RUNDC3B: variants seen among roughly 807,000 people sequenced by gnomAD.
RUNDC3B encodes the protein RUN domain-containing protein 3B.
In RUNDC3B, 33 loss-of-function variants were observed where a neutral mutation model predicts 58.4. The ratio of observed to expected loss-of-function variants is 0.56; its 90% confidence interval spans 0.43 to 0.75. The LOEUF (loss-of-function observed/expected upper bound fraction) is 0.75. Ranked by LOEUF, RUNDC3B falls within the 30% of genes least tolerant of loss-of-function variation. RUNDC3B has a pLI of 0.00. For synonymous variants in RUNDC3B, 193 were observed against 195.2 expected (o/e 0.99, Z 0.10); for missense variants, 501 against 535.7 (o/e 0.94, Z 0.64).
At chr7:87,759,188 G>A (rs1209557897) in intron 6 of RUNDC3B, among the ~76,000 whole-genome samples, 1 of 152,098 alleles carries the variant, frequency 6.6e-6, no homozygotes, top group Non-Finnish European at 1.5e-5. Context: ...GCAACAACAT[G>A]GATGGGCCTG....
intron 6 of RUNDC3B, among the ~76,000 whole-genome samples, chr7:87,752,189 G>A (rs1384452950): frequency 6.6e-6 from 1 of 152,166 alleles, no homozygotes; most frequent in Admixed American, 6.6e-5. Context: ...ATTGATTTGT[G>A]TATATGGAAC....
At chr7:87,740,266 CGT>C (rs1330567103) in intron 5 of RUNDC3B, among the ~76,000 whole-genome samples, 1 of 151,846 alleles carries the variant, frequency 6.6e-6, no homozygotes, top group Non-Finnish European at 1.5e-5. Flanking sequence ...CATTATCTCA[CGT>C]GTTGAGATAA....
chr7:87,700,775 A>G (rs1828961612), intron 3 of RUNDC3B, among the ~76,000 whole-genome samples: 2 of 152,210 alleles, frequency 1.3e-5, no homozygotes, highest in Admixed American at 1.3e-4. Flanking sequence ...CCCTTTCTTT[A>G]ATGGGTACAA....
intron 4 of RUNDC3B, among the ~76,000 whole-genome samples, chr7:87,737,909 A>G (rs970736120): frequency 1.6e-4 from 25 of 152,284 alleles, no homozygotes; most frequent in African/African-American, 5.3e-4. Flanking sequence ...ATGCACACAC[A>G]TAAAAGACCT....
At position 87,628,828 on chromosome 7, in the gene RUNDC3B, C is replaced by A; in HGVS notation, c.5C>A (p.Ala2Asp). Reference protein sequence around the residue: MASRSLGGLSGI... With the variant: MDSRSLGGLSGI... ...GGGCACGGGGGTAAGCCCGCCATGG[C>A]CTCCCGGAGCCTGGGGGGCCTGAGC... The change falls in exon 1 of 11, where the codon GCC becomes GAC. Residue 2 changes from alanine (A) to aspartate (D), a missense_variant. Ala to Asp is a moderately radical substitution (Grantham distance 126). Transcript: ENST00000394654. 1 of 1,252,004 alleles carries A rather than the reference C, an allele frequency of 8.0e-7. No individual in the cohort carries two copies. Among genetic ancestry groups the A allele is most frequent in the East Asian group, 3.1e-5 (1 of 32,578 alleles). The allele number at this position is 1,252,004 out of a possible 1,614,324, so 77.6% of individuals were successfully genotyped here. A position where few individuals can be genotyped will look rare whatever the true frequency, so the allele number is the denominator to read the frequency against.
At chr7:87,829,055 C>T (rs1009432501) in intron 10 of RUNDC3B, among the ~76,000 whole-genome samples, 8 of 152,006 alleles carry the variant, frequency 5.3e-5, no homozygotes, top group African/African-American at 1.9e-4. Context: ...TTTTGATTTG[C>T]GTTTCTCTGA....
intron 3 of RUNDC3B, among the ~76,000 whole-genome samples, chr7:87,707,825 G>T (rs987689358): frequency 2.0e-5 from 3 of 152,106 alleles, no homozygotes; most frequent in Non-Finnish European, 4.4e-5. Context: ...ATTGTGTAAA[G>T]TATGTTCTCT....
At chr7:87,694,527 A>T (rs1358981171) in intron 2 of RUNDC3B, among the ~76,000 whole-genome samples, 1 of 152,228 alleles carries the variant, frequency 6.6e-6, no homozygotes, top group Admixed American at 6.6e-5. Context: ...AAAGAGAAAA[A>T]GTAAAAAACA....
At chr7:87,652,550 C>T (rs1481608224) in intron 2 of RUNDC3B, among the ~76,000 whole-genome samples, 9 of 149,526 alleles carry the variant, frequency 6.0e-5, no homozygotes, top group African/African-American at 1.2e-4. Context: ...TGATACAGTA[C>T]GAATTGTGTT....
intron 10 of RUNDC3B, among the ~76,000 whole-genome samples, chr7:87,821,325 A>G (rs1563232591): frequency 1.3e-5 from 2 of 152,294 alleles, no homozygotes; most frequent in African/African-American, 4.8e-5. Context: ...TAGGAATCCA[A>G]CTTACAAGGG....
intron 4 of RUNDC3B, among the ~76,000 whole-genome samples, chr7:87,726,141 G>A (rs1831216458): frequency 6.6e-6 from 1 of 152,128 alleles, no homozygotes; most frequent in Non-Finnish European, 1.5e-5. Context: ...ATTGCTTTTG[G>A]TGGTTTAGAC....
intron 2 of RUNDC3B, among the ~76,000 whole-genome samples, chr7:87,698,471 A>G (rs1828705779): frequency 6.6e-6 from 1 of 152,240 alleles, no homozygotes; most frequent in African/African-American, 2.4e-5. Context: ...GTTTTTATTT[A>G]TATAAAGAAA....
rs1261252294 is a variant in RUNDC3B, at chr7:87,628,580, CGTGCGTGTGTGTGT to C, written c.-240_-227del. The C allele has an allele frequency of 1.6e-4, 46 of 292,746 alleles. 1 individual carries two copies. The highest frequency in any genetic ancestry group is 2.3e-4 in the South Asian group (1 of 4,284). 18.1% of individuals were successfully genotyped at this position (292,746 alleles called of 1,614,324 possible). A position where few individuals can be genotyped will look rare whatever the true frequency, so the allele number is the denominator to read the frequency against. ...GCGCCGAGGGCGGAGGTGGTGCGTG[CGTGCGTGTGTGTGT>C]GTGTGTGTGTGTGTGTGTGTGTGTG... On this transcript the variant is annotated 5_prime_UTR_variant, in exon 1 of 11. Transcript: ENST00000394654.
At chr7:87,715,529 AT>A in intron 4 of RUNDC3B, among the ~76,000 whole-genome samples, 1 of 138,808 alleles carries the variant, frequency 7.2e-6, no homozygotes. Flanking sequence ...TATATATAAC[AT>A]TTAATATATA....
intron 4 of RUNDC3B, among the ~76,000 whole-genome samples, chr7:87,728,129 C>T (rs1273899130): frequency 6.6e-6 from 1 of 152,094 alleles, no homozygotes; most frequent in Non-Finnish European, 1.5e-5. Flanking sequence ...CCAGTGTTTG[C>T]AGCTCATTAC....
rs77972014 is a variant in RUNDC3B, at chr7:87,811,775, T to G, written c.1103+4256T>G. ...TCTTTTACAACTTGTAAACTGGGCA[T>G]TGACATAACTCATATATGCCCTTCC... is the stretch of plus-strand genomic sequence containing the variant. On this transcript the variant is annotated intron_variant, in intron 9 of 10. Transcript: ENST00000394654. 3.1e-3 allele frequency among the ~76,000 whole-genome samples: 467 copies of G among 152,348 alleles called. 5 individuals carry two copies. The East Asian group carries it at 0.048, about 16-fold the overall frequency.
intron 7 of RUNDC3B, among the ~76,000 whole-genome samples, chr7:87,774,274 C>T (rs962707858): frequency 2.0e-5 from 3 of 151,856 alleles, no homozygotes; most frequent in Admixed American, 6.6e-5. Context: ...TTGTATAGTA[C>T]TTGTAGAAAT....
At chr7:87,645,015 C>T (rs1486226065) in intron 1 of RUNDC3B, among the ~76,000 whole-genome samples, 3 of 150,270 alleles carry the variant, frequency 2.0e-5, no homozygotes, top group Non-Finnish European at 4.4e-5. Context: ...GCTATGATGA[C>T]AAAGGGAAAA....
chr7:87,761,343 A>T (rs1052353702), intron 6 of RUNDC3B, among the ~76,000 whole-genome samples: 1 of 151,944 alleles, frequency 6.6e-6, no homozygotes, highest in African/African-American at 2.4e-5. Context: ...ATTGGTGAGG[A>T]TGTGGAGAAG....
Sources: allele counts gnomAD v4.1 joint callset (sites outside exome capture counted in the v4.1 genomes callset), GRCh38; gene constraint gnomAD v4.1.1; transcripts MANE v1.5; gene names NCBI Gene and HGNC (gene_info 2026-07-23, HGNC 2026-07-21).